Variants in SCUBE1 observed in about 807,000 individuals in gnomAD.
The protein encoded by SCUBE1 is signal peptide, CUB domain and EGF like domain containing 1.
A neutral mutation model predicts 124.4 loss-of-function variants in SCUBE1; 59 were observed. That is an observed-to-expected ratio of 0.47 (90% CI 0.38 to 0.59). SCUBE1 has a LOEUF of 0.59. Ranked by LOEUF, SCUBE1 falls within the 20% of genes least tolerant of loss-of-function variation. SCUBE1 has a pLI of 0.00. For synonymous variants in SCUBE1, 545 were observed against 550.9 expected (o/e 0.99, Z 0.15); for missense variants, 1,150 against 1,371.2 (o/e 0.84, Z 2.55).
At chr22:43,221,310 C>T in intron 12 of SCUBE1, 21 bp from the exon 13 acceptor site, 6 of 1,574,650 alleles carry the variant, frequency 3.8e-6, no homozygotes, top group Non-Finnish European at 5.2e-6. Flanking sequence ...CCAAAATTCC[C>T]CCAGGTGGTG....
chr22:43,292,060 A>T (rs1601865667), intron 3 of SCUBE1, among the ~76,000 whole-genome samples: 1 of 151,934 alleles, frequency 6.6e-6, no homozygotes, highest in Non-Finnish European at 1.5e-5. Flanking sequence ...GCCAGCTGCA[A>T]CCCCACGAGC....
chr22:43,224,817 T>C (rs962760854), intron 10 of SCUBE1, among the ~76,000 whole-genome samples: 8 of 152,172 alleles, frequency 5.3e-5, no homozygotes, highest in African/African-American at 1.9e-4. Flanking sequence ...GTGATGATCA[T>C]GGGCTGGTTA....
intron 4 of SCUBE1, among the ~76,000 whole-genome samples, chr22:43,272,711 C>T (rs536639437): frequency 4.6e-5 from 7 of 152,184 alleles, no homozygotes; most frequent in Admixed American, 6.5e-5. Flanking sequence ...ATGAGCTCAC[C>T]GGGCACGGAC....
Position 43,197,972 on chromosome 22 carries a change from T to G in SCUBE1, c.*6025A>C, listed in dbSNP as rs548735451. On this transcript the variant is annotated 3_prime_UTR_variant, in exon 22 of 22. Coordinates refer to ENST00000360835, the MANE Select transcript of SCUBE1 (RefSeq NM_173050.5). ...AGTTTCCAATCTGTAAGCTTCAGAT[T>G]GATCAACGTTTTAGAGACATTTCCT... 7.8e-5 allele frequency: 12 copies of G among 152,946 alleles called. No homozygotes were observed. Among genetic ancestry groups the G allele is most frequent in the Non-Finnish European group, 1.3e-4 (9 of 68,522 alleles). 9.5% of individuals were successfully genotyped at this position (152,946 alleles called of 1,614,324 possible).
At chr22:43,241,659 G>A (rs996687282) in intron 6 of SCUBE1, among the ~76,000 whole-genome samples, 1 of 152,128 alleles carries the variant, frequency 6.6e-6, no homozygotes, top group African/African-American at 2.4e-5. Context: ...CTCCCCCTGG[G>A]ACCCAGGGCC....
chr22:43,307,439 T>C (rs1926011229), intron 3 of SCUBE1, among the ~76,000 whole-genome samples: 1 of 152,140 alleles, frequency 6.6e-6, no homozygotes, highest in Non-Finnish European at 1.5e-5. Context: ...GAGATTACAG[T>C]TCTGAGAAAC....
intron 3 of SCUBE1, among the ~76,000 whole-genome samples, chr22:43,298,638 A>T (rs1362187794): frequency 6.6e-6 from 1 of 152,124 alleles, no homozygotes; most frequent in Non-Finnish European, 1.5e-5. Context: ...GAAGGACGGG[A>T]GTCTACCGCC....
intron 6 of SCUBE1, among the ~76,000 whole-genome samples, chr22:43,246,897 G>A (rs1035518844): frequency 2.6e-4 from 39 of 151,474 alleles, no homozygotes; most frequent in Admixed American, 2.0e-3. Flanking sequence ...GGGAGTAGCT[G>A]GCACCTGGAG....
At chr22:43,294,022 T>C (rs562806982) in intron 3 of SCUBE1, among the ~76,000 whole-genome samples, 2 of 151,884 alleles carry the variant, frequency 1.3e-5, no homozygotes, top group East Asian at 3.9e-4. Flanking sequence ...GACAGGGCTG[T>C]TTACTCTACT....
intron 10 of SCUBE1, among the ~76,000 whole-genome samples, chr22:43,224,206 C>T (rs1569500522): frequency 6.6e-6 from 1 of 152,224 alleles, no homozygotes; most frequent in Non-Finnish European, 1.5e-5. Flanking sequence ...CCTTGGTCAA[C>T]CCCCGGGGCC....
intron 4 of SCUBE1, among the ~76,000 whole-genome samples, chr22:43,265,345 A>G (rs934664151): frequency 1.3e-5 from 2 of 152,212 alleles, no homozygotes; most frequent in African/African-American, 4.8e-5. Flanking sequence ...GCAGTAACCC[A>G]CAGTCAATAA....
chr22:43,211,027 G>A lies in SCUBE1; in HGVS notation c.2278C>T (p.Pro760Ser), dbSNP rs775894116. ...NTTTHRCIRC[P>S]VGTYQPEFGQ... is the part of the protein sequence containing the mutation. ...AACTCGGGCTGGTAGGTGCCGACGG[G>A]GCAGCGGATGCAGCGGTGGGTGGTG... is the stretch of plus-strand genomic sequence containing the variant. The change falls in exon 18 of 22, where the codon CCC (proline) becomes TCC (serine). Residue 760 changes from proline to serine, a missense_variant. Pro to Ser is a moderately conservative substitution (Grantham distance 74, BLOSUM62 -1). Transcript: ENST00000360835. This position sits in a 1 kb window ranked among gnomAD's most constrained non-coding sequence, Gnocchi z 4.5. 3.1e-6 allele frequency: 5 copies of A among 1,614,126 alleles called. No individual in the cohort carries two copies. The highest frequency in any genetic ancestry group is 4.2e-6 in the Non-Finnish European group (5 of 1,180,012).
At chr22:43,293,216 C>T (rs560215278) in intron 3 of SCUBE1, among the ~76,000 whole-genome samples, 3 of 152,386 alleles carry the variant, frequency 2.0e-5, no homozygotes, top group African/African-American at 4.8e-5. Context: ...ATCCTGCTAA[C>T]AACACAAAGC....
Position 43,218,347 on chromosome 22 carries a change from C to T in SCUBE1, c.1799G>A (p.Gly600Asp), listed in dbSNP as rs1921930429. 6.2e-7 allele frequency: 1 copy of T among 1,613,374 alleles called. No individual in the cohort carries two copies. Among genetic ancestry groups the T allele is most frequent in the African/African-American group, 1.3e-5 (1 of 74,962 alleles). ...GRQQFYVQVS[G>D]TEYEVAQRPA... is the part of the protein sequence containing the mutation. ...CCTCTGGGCTACCTCGTACTCAGTG[C>T]CTGAGACCTGGACATAGAACTGCTG... Residue 600 changes from glycine (G) to aspartate (D), a missense_variant, in exon 15 of 22, where the codon GGC becomes GAC. Physicochemically the swap from Gly to Asp is moderately conservative, Grantham distance 94 (BLOSUM62 -1). Coordinates refer to ENST00000360835, the MANE Select transcript of SCUBE1 (RefSeq NM_173050.5).
chr22:43,323,132 C>G (rs774521804), intron 2 of SCUBE1, among the ~76,000 whole-genome samples: 5 of 152,160 alleles, frequency 3.3e-5, no homozygotes, highest in Non-Finnish European at 5.9e-5. Flanking sequence ...GTATTTCACC[C>G]TTGGCACATT....
intron 3 of SCUBE1, 33 bp from the exon 4 acceptor site, chr22:43,291,213 T>C (rs1309999989): frequency 6.3e-7 from 1 of 1,593,940 alleles, no homozygotes; most frequent in Non-Finnish European, 8.6e-7. Flanking sequence ...GGACCAGAGA[T>C]CACACCTAAG....
intron 2 of SCUBE1, among the ~76,000 whole-genome samples, chr22:43,322,390 G>A (rs1250958854): frequency 6.6e-6 from 1 of 152,056 alleles, no homozygotes; most frequent in African/African-American, 2.4e-5. Flanking sequence ...CTTCCCCTGG[G>A]TATTCCAAAG....
chr22:43,319,259 G>A (rs371933157), intron 3 of SCUBE1, among the ~76,000 whole-genome samples: 169 of 152,202 alleles, frequency 1.1e-3, no homozygotes, highest in Middle Eastern at 3.4e-3. Context: ...TATAAGAAGA[G>A]AAGATTAGGG....
Position 43,221,212 on chromosome 22 carries a change from G to C in SCUBE1, c.1510C>G (p.Gln504Glu). 4 of 1,611,626 alleles carry C rather than the reference G, an allele frequency of 2.5e-6. No homozygotes were observed. Among genetic ancestry groups the C allele is most frequent in the Non-Finnish European group, 2.5e-6 (3 of 1,179,974 alleles). ...CTGGCGGTCTCCTTTGCTCGTGCCT[G>C]GCTGTGGGGCCGGAGGTGGCACTTG... ...DAKCHLRPHS[Q>E]ARAKETARQP... The change falls in exon 13 of 22, where the codon CAG (glutamine) becomes GAG (glutamate). Residue 504 changes from glutamine (Q) to glutamate (E), a missense_variant. Gln to Glu is a conservative substitution (Grantham distance 29). Around this residue, in one of 3 missense-constraint regions of SCUBE1, gnomAD observed 757 missense variants for 840.9 expected, o/e 0.90. Coordinates refer to ENST00000360835, the MANE Select transcript of SCUBE1 (RefSeq NM_173050.5).
Sources: allele counts gnomAD v4.1 joint callset (sites outside exome capture counted in the v4.1 genomes callset), GRCh38; gene constraint gnomAD v4.1.1; regional missense constraint gnomAD v4.1.1; non-coding constraint Gnocchi (gnomAD v3.1); transcripts MANE v1.5; gene names NCBI Gene and HGNC (gene_info 2026-07-23, HGNC 2026-07-21).